The following KLHL1 variants were observed in gnomAD, a reference collection of about 807,000 sequenced individuals.
KLHL1 encodes the protein kelch-like protein 1.
Under a neutral mutation model 77.7 loss-of-function variants are expected in KLHL1, and 47 were observed. That is an observed-to-expected ratio of 0.60 (90% CI 0.48 to 0.77). The LOEUF (loss-of-function observed/expected upper bound fraction) is 0.77, where lower values mean the gene tolerates loss of function less well. Ranked by LOEUF, KLHL1 falls within the 30% of genes least tolerant of loss-of-function variation. The pLI is 0.00. For synonymous variants in KLHL1, 360 were observed against 325.2 expected (o/e 1.11, Z -1.15); for missense variants, 925 against 910.8 (o/e 1.02, Z -0.20).
At chr13:70,059,003 T>A (rs919181453) in intron 1 of KLHL1, among the ~76,000 whole-genome samples, 11 of 152,306 alleles carry the variant, frequency 7.2e-5, no homozygotes, top group African/African-American at 2.4e-4. Flanking sequence ...AAACTGGATA[T>A]TCATGTGCAG....
At chr13:69,877,264 T>A (rs754323262) in intron 5 of KLHL1, among the ~76,000 whole-genome samples, 54 of 152,176 alleles carry the variant, frequency 3.5e-4, no homozygotes, top group Non-Finnish European at 6.5e-4. Flanking sequence ...TGGGTATTTT[T>A]AAAATTCATA....
At chr13:69,929,369 A>C (rs796109121) in intron 4 of KLHL1, among the ~76,000 whole-genome samples, 22 of 152,154 alleles carry the variant, frequency 1.4e-4, no homozygotes, top group African/African-American at 4.8e-4. Flanking sequence ...AGATAATAAA[A>C]AAATTTAAAT....
intron 7 of KLHL1, among the ~76,000 whole-genome samples, chr13:69,781,291 T>TTTC (rs1566244972): frequency 2.2e-3 from 276 of 127,490 alleles, no homozygotes; most frequent in African/African-American, 7.0e-3. Flanking sequence ...CTTTCTTTTT[T>TTTC]TTTTTTTTTT....
chr13:69,814,445 T>C (rs1053926061), intron 6 of KLHL1, among the ~76,000 whole-genome samples: 5 of 151,984 alleles, frequency 3.3e-5, no homozygotes, highest in Non-Finnish European at 7.4e-5. Flanking sequence ...AAAGAAACTA[T>C]CAACAGAATA....
At chr13:69,854,440 C>T (rs1294617140) in intron 5 of KLHL1, among the ~76,000 whole-genome samples, 1 of 151,900 alleles carries the variant, frequency 6.6e-6, no homozygotes, top group African/African-American at 2.4e-5. Context: ...AGGAGAGCAC[C>T]ATGCTACTCA....
intron 6 of KLHL1, among the ~76,000 whole-genome samples, chr13:69,819,786 A>G (rs1445747586): frequency 6.6e-6 from 1 of 152,208 alleles, no homozygotes; most frequent in Admixed American, 6.5e-5. Context: ...GCTATCATGT[A>G]TAAGGTGATA....
At chr13:69,892,911 AT>A (rs1290026185) in intron 4 of KLHL1, among the ~76,000 whole-genome samples, 1 of 152,238 alleles carries the variant, frequency 6.6e-6, no homozygotes, top group Non-Finnish European at 1.5e-5. Flanking sequence ...AGCATGTAAA[AT>A]TTTAATTATG....
intron 7 of KLHL1, among the ~76,000 whole-genome samples, chr13:69,791,346 G>A (rs77164602): frequency 7.0e-4 from 106 of 151,642 alleles, no homozygotes; most frequent in African/African-American, 2.2e-3. Flanking sequence ...TTTTTTTTAC[G>A]TGGCAATACT....
rs188181289 is a variant in KLHL1, at chr13:69,941,472, C to A, written c.818-1236G>T. On this transcript the variant is annotated intron_variant, in intron 3 of 10. Transcript: ENST00000377844. The stretch of plus-strand genomic sequence containing the variant: ...GTGATGCTAAGAGGAAAGTTTATAG[C>A]GATAAATGCCTATAAATGCCTATAT... 2.6e-5 allele frequency among the ~76,000 whole-genome samples: 4 copies of A among 151,904 alleles called. No homozygotes were observed. The East Asian group carries it at 5.8e-4, about 22-fold the overall frequency.
intron 8 of KLHL1, among the ~76,000 whole-genome samples, chr13:69,739,897 G>A (rs2137928372): frequency 6.6e-6 from 1 of 152,184 alleles, no homozygotes; most frequent in Admixed American, 6.5e-5. Flanking sequence ...ACAATGAGGT[G>A]GTGGGTGAGG....
At position 69,876,491 on chromosome 13, in the gene KLHL1, T is replaced by G. The variant is rs1323922592; in HGVS notation, c.1227+5792A>C. On this transcript the variant is annotated intron_variant, in intron 5 of 10. Transcript: ENST00000377844. Reference sequence around the variant, plus strand: ...TAAAATAGAGACAGCATCTGTCTTCTAAAGTTAAATACTTGAATGTCCTTG... The same window carrying G: ...TAAAATAGAGACAGCATCTGTCTTCGAAAGTTAAATACTTGAATGTCCTTG... Among the ~76,000 whole-genome samples, 4 of 152,242 alleles carry G rather than the reference T, an allele frequency of 2.6e-5. No individual in the cohort carries two copies. In the East Asian group the frequency reaches 7.7e-4, roughly 29 times the overall value.
intron 5 of KLHL1, among the ~76,000 whole-genome samples, chr13:69,850,476 C>G (rs1879642607): frequency 6.6e-6 from 1 of 151,404 alleles, no homozygotes; most frequent in African/African-American, 2.4e-5. Context: ...ATAATATTGT[C>G]TAGGACCCTT....
chr13:69,874,670 G>A (rs1880702695), intron 5 of KLHL1, among the ~76,000 whole-genome samples: 2 of 152,056 alleles, frequency 1.3e-5, no homozygotes, highest in Admixed American at 1.3e-4. Context: ...AACTGTTCTT[G>A]CACTTTGTGT....
chr13:69,866,913 T>C (rs955234160), intron 5 of KLHL1, among the ~76,000 whole-genome samples: 1 of 151,052 alleles, frequency 6.6e-6, no homozygotes, highest in African/African-American at 2.4e-5. Context: ...GTCATTATTT[T>C]CTGAGGGAAA....
At chr13:69,937,169 T>C (rs1448157744) in intron 4 of KLHL1, among the ~76,000 whole-genome samples, 1 of 152,134 alleles carries the variant, frequency 6.6e-6, no homozygotes, top group Non-Finnish European at 1.5e-5. Flanking sequence ...GAAGGAAAGA[T>C]CTGGAGATGG....
intron 1 of KLHL1, among the ~76,000 whole-genome samples, chr13:70,053,552 T>C (rs1006416773): frequency 3.3e-5 from 5 of 151,976 alleles, no homozygotes; most frequent in South Asian, 2.1e-4. Flanking sequence ...TGTAAAACAA[T>C]TGATCAAAGA....
rs192868907 is a variant in KLHL1 at position 69,734,791 on chromosome 13, T to C, written c.1802+5603A>G. On this transcript the variant is annotated intron_variant, in intron 8 of 10. Transcript: ENST00000377844. ...GTTAAACTTTAGAATATCAGTAAAA[T>C]AGAATATTAAAGGTACTATATATAA... Among the ~76,000 whole-genome samples the C allele has an allele frequency of 8.5e-5, 13 of 152,254 alleles. No homozygotes were observed. The East Asian group carries it at 1.7e-3, about 20-fold the overall frequency.
intron 5 of KLHL1, among the ~76,000 whole-genome samples, chr13:69,855,023 A>C (rs1410059894): frequency 6.6e-6 from 1 of 152,062 alleles, no homozygotes; most frequent in Admixed American, 6.6e-5. Flanking sequence ...GTATAGGAAT[A>C]TATGTATTAC....
At chr13:70,006,756 A>G (rs768821138) in intron 1 of KLHL1, among the ~76,000 whole-genome samples, 12 of 152,020 alleles carry the variant, frequency 7.9e-5, no homozygotes, top group Non-Finnish European at 1.8e-4. Context: ...ACATGCTGAC[A>G]GCACTAGATT....
Sources: gnomAD v4.1 joint callset for allele counts (sites outside exome capture counted in the v4.1 genomes callset) on GRCh38, gnomAD v4.1.1 for gene constraint, MANE v1.5 for transcripts, NCBI Gene and HGNC (gene_info 2026-07-23, HGNC 2026-07-21) for gene names.